The following UBAP2 variants were observed in gnomAD, a reference collection of about 807,000 sequenced individuals.
UBAP2 encodes the protein ubiquitin associated protein 2.
In UBAP2, 75 loss-of-function variants were observed where a neutral mutation model predicts 139.6. The observed-to-expected ratio is 0.54, with a 90% CI of 0.45 to 0.65. The LOEUF (loss-of-function observed/expected upper bound fraction) is 0.65, where lower values mean the gene tolerates loss of function less well. UBAP2 is among the 30% of genes least tolerant of loss of function. The probability of loss-of-function intolerance (pLI) is 0.00; values close to 1 mark genes in which losing one functional copy is unlikely to be tolerated. For synonymous variants in UBAP2, 526 were observed against 526.2 expected (o/e 1.00, Z 0.01); for missense variants, 1,368 against 1,369.6 (o/e 1.00, Z 0.02).
chr9:34,004,509 G>A (rs10971840), intron 2 of UBAP2, among the ~76,000 whole-genome samples: 12,028 of 151,866 alleles, frequency 0.079, 680 homozygotes, highest in Non-Finnish European at 0.12. Context: ...AAGGCTGGGC[G>A]CAGTGGCTCA....
At chr9:34,044,112 A>T (rs1429911839) in intron 1 of UBAP2, among the ~76,000 whole-genome samples, 4 of 141,056 alleles carry the variant, frequency 2.8e-5, no homozygotes, top group African/African-American at 1.0e-4. Flanking sequence ...AAAAAAAAAA[A>T]ATTAGCCGGG....
chr9:33,946,830 T>C (rs1436226080), intron 13 of UBAP2, among the ~76,000 whole-genome samples: 1 of 152,188 alleles, frequency 6.6e-6, no homozygotes, highest in Non-Finnish European at 1.5e-5. Context: ...TGGTTCTATC[T>C]AAAAAGTCCT....
chr9:34,030,193 C>T lies in UBAP2; in HGVS notation c.-41-13004G>A, dbSNP rs571736163. 7.9e-5 allele frequency among the ~76,000 whole-genome samples: 12 copies of T among 152,108 alleles called. No homozygotes were observed. In the South Asian group the frequency reaches 2.1e-3, roughly 26 times the overall value. Reference sequence around the variant, plus strand: ...GGGCGCGGTGGCTCACGCCTGTAATCCCAGCACTTTGGGAGGCTGAGGCGG... The same window carrying T: ...GGGCGCGGTGGCTCACGCCTGTAATTCCAGCACTTTGGGAGGCTGAGGCGG... On this transcript the variant is annotated intron_variant, in intron 1 of 28. Transcript: ENST00000379238.
Position 33,923,173 on chromosome 9 carries a change from A to C in UBAP2, c.3004+13T>G, listed in dbSNP as rs775283029. The C allele has an allele frequency of 6.2e-7, 1 of 1,613,960 alleles. No homozygotes were observed. The highest frequency in any genetic ancestry group is 8.5e-7 in the Non-Finnish European group (1 of 1,179,860). On this transcript the variant is annotated intron_variant, in intron 26 of 28. Coordinates refer to ENST00000379238, the MANE Select transcript of UBAP2 (RefSeq NM_001370062.2). The stretch of plus-strand genomic sequence containing the variant: ...CTCCAGGCCTTATCCTGGAAAGGAG[A>C]GGTAAACACTACCTTTGCCAGGCCC...
intron 1 of UBAP2, among the ~76,000 whole-genome samples, chr9:34,020,169 A>C (rs899398006): frequency 1.3e-5 from 2 of 151,236 alleles, no homozygotes; most frequent in Admixed American, 6.6e-5. Context: ...AAAAAAAAAA[A>C]AACTAAGAGA....
At chr9:34,033,093 T>A (rs1587691608) in intron 1 of UBAP2, among the ~76,000 whole-genome samples, 2 of 152,170 alleles carry the variant, frequency 1.3e-5, no homozygotes, top group Admixed American at 6.6e-5. Flanking sequence ...AGCTACCATA[T>A]GATCCAGCAA....
At chr9:34,029,405 T>C (rs1825690659) in intron 1 of UBAP2, among the ~76,000 whole-genome samples, 1 of 151,556 alleles carries the variant, frequency 6.6e-6, no homozygotes, top group South Asian at 2.1e-4. Flanking sequence ...GGCGGGTACC[T>C]ATAATCCCAG....
Position 33,922,703 on chromosome 9 carries a change from AGGT to A in UBAP2, c.3245_3247del (p.His1082del). 6.5e-7 allele frequency: 1 copy of A among 1,550,026 alleles called. No homozygotes were observed. The highest frequency in any genetic ancestry group is 8.7e-7 in the Non-Finnish European group (1 of 1,148,574). On this transcript the variant is annotated inframe_deletion, in exon 28 of 29. Transcript: ENST00000379238. ...TGTACTCACCTGTGCATCCTGCGGA[AGGT>A]GGTGGTGCAGCAGCTGTGAGTGGGG...
intron 6 of UBAP2, among the ~76,000 whole-genome samples, chr9:33,985,890 C>T (rs1489742053): frequency 6.6e-6 from 1 of 151,754 alleles, no homozygotes; most frequent in Admixed American, 6.6e-5. Flanking sequence ...GGCATGGTGG[C>T]GTGCACCTGT....
chr9:33,949,423 C>A (rs1587546464), intron 12 of UBAP2, among the ~76,000 whole-genome samples: 1 of 152,086 alleles, frequency 6.6e-6, no homozygotes, highest in East Asian at 1.9e-4. Flanking sequence ...ACAGGTCAGG[C>A]TGGGCGCAGT....
chr9:33,926,875 G>A lies in UBAP2; in HGVS notation c.2463+114C>T, dbSNP rs544019502. 92 of 1,108,960 alleles carry A rather than the reference G, an allele frequency of 8.3e-5. No homozygotes were observed. In the African/African-American group the frequency reaches 1.3e-3, roughly 15 times the overall value. 68.7% of individuals were successfully genotyped at this position (1,108,960 alleles called of 1,614,324 possible). A position where few individuals can be genotyped will look rare whatever the true frequency, so the allele number is the denominator to read the frequency against. On this transcript the variant is annotated intron_variant, in intron 21 of 28. Transcript: ENST00000379238. ...GTGGGGCAGAGACGGGGGTGCTCAGGGATGGAAGGGCAGCTCAAGGTGGGC... is the reference window on the plus strand; with the variant it reads ...GTGGGGCAGAGACGGGGGTGCTCAGAGATGGAAGGGCAGCTCAAGGTGGGC...
intron 6 of UBAP2, among the ~76,000 whole-genome samples, chr9:33,974,001 T>C (rs1175136965): frequency 2.0e-5 from 3 of 150,888 alleles, no homozygotes; most frequent in Non-Finnish European, 4.4e-5. Flanking sequence ...GAGCCAGGAG[T>C]TCAAGACCAG....
chr9:33,976,171 T>C (rs1828329380), intron 6 of UBAP2, among the ~76,000 whole-genome samples: 1 of 152,160 alleles, frequency 6.6e-6, no homozygotes, highest in African/African-American at 2.4e-5. Context: ...AGAAGAAAAC[T>C]TTCAGTCTAT....
chr9:34,038,399 C>T (rs544896643), intron 1 of UBAP2, among the ~76,000 whole-genome samples: 3 of 152,326 alleles, frequency 2.0e-5, no homozygotes, highest in South Asian at 2.1e-4. Flanking sequence ...TCTCCTGCCT[C>T]GGCCTGCCAA....
intron 1 of UBAP2, among the ~76,000 whole-genome samples, chr9:34,046,627 G>A (rs1464781700): frequency 8.3e-6 from 1 of 120,068 alleles, no homozygotes; most frequent in Non-Finnish European, 1.6e-5. Flanking sequence ...CTGGGCGACA[G>A]AACAAGACTC....
At chr9:33,943,713 A>G in intron 14 of UBAP2, 124 bp from the exon 15 acceptor site, 1 of 845,640 alleles carries the variant, frequency 1.2e-6, no homozygotes. Flanking sequence ...GGAGTGAGAA[A>G]CAAGGAGAAA....
intron 1 of UBAP2, among the ~76,000 whole-genome samples, chr9:34,024,257 G>C (rs948673429): frequency 6.6e-6 from 1 of 151,394 alleles, no homozygotes; most frequent in Non-Finnish European, 1.5e-5. Context: ...CAGGAGAATC[G>C]CTTGAACCCG....
In UBAP2 at chr9:33,923,362, T is replaced by C; in HGVS notation, c.2896+17A>G. 6.2e-7 allele frequency: 1 copy of C among 1,614,076 alleles called. No homozygotes were observed. The highest frequency in any genetic ancestry group is 1.7e-5 in the Admixed American group (1 of 60,026). ...CTGTCTAACCCCATGTGTCTCTGTC[T>C]GGGAAGTACCCCTCACCTGTACTGT... On this transcript the variant is annotated intron_variant, in intron 25 of 28. Transcript: ENST00000379238.
At chr9:34,031,354 G>A (rs1159294335) in intron 1 of UBAP2, among the ~76,000 whole-genome samples, 1 of 151,760 alleles carries the variant, frequency 6.6e-6, no homozygotes, top group Admixed American at 6.6e-5. Context: ...TTAGCCAGGC[G>A]TGGTGGCATG....
Sources: gnomAD v4.1 joint callset for allele counts (sites outside exome capture counted in the v4.1 genomes callset) on GRCh38, gnomAD v4.1.1 for gene constraint, MANE v1.5 for transcripts, NCBI Gene and HGNC (gene_info 2026-07-23, HGNC 2026-07-21) for gene names.